The following AUTS2 variants were observed in gnomAD, a reference collection of about 807,000 sequenced individuals.
The protein encoded by AUTS2 is activator of transcription and developmental regulator AUTS2, also known as autism susceptibility gene 2 protein.
Under a neutral mutation model 112.4 loss-of-function variants are expected in AUTS2, and 17 were observed. That is an observed-to-expected ratio of 0.15 (90% CI 0.10 to 0.23). The LOEUF is 0.23. AUTS2 is among the 10% of genes least tolerant of loss of function. The pLI, the probability that AUTS2 is intolerant of heterozygous loss-of-function variation, is 1.00. For missense variants in AUTS2, 1,510 were observed against 1,701.6 expected, an observed-to-expected ratio of 0.89 and a Z score of 1.98; for synonymous variants, 751 against 702.7, an observed-to-expected ratio of 1.07 and a Z score of -1.09.
At chr7:69,692,076 G>A (rs1179009845) in intron 1 of AUTS2, among the ~76,000 whole-genome samples, 1 of 152,202 alleles carries the variant, frequency 6.6e-6, no homozygotes, top group Non-Finnish European at 1.5e-5. Context: ...TACAAGGGCT[G>A]TGTGTATATG....
At chr7:70,752,858 A>C (rs1788955277) in intron 6 of AUTS2, among the ~76,000 whole-genome samples, 1 of 152,200 alleles carries the variant, frequency 6.6e-6, no homozygotes, top group Non-Finnish European at 1.5e-5. Context: ...CTGCAAAATA[A>C]ACAAAATGTT....
intron 2 of AUTS2, among the ~76,000 whole-genome samples, chr7:70,073,599 G>A (rs543492879): frequency 6.6e-6 from 1 of 151,930 alleles, no homozygotes; most frequent in South Asian, 2.1e-4. Flanking sequence ...CCACAGATGA[G>A]TTATGTATTA....
chr7:70,543,365 C>T (rs1400235691), intron 5 of AUTS2, among the ~76,000 whole-genome samples: 2 of 151,738 alleles, frequency 1.3e-5, no homozygotes, highest in Admixed American at 1.3e-4. Context: ...AGCCAGGCAC[C>T]TATAATCCCA....
intron 18 of AUTS2, among the ~76,000 whole-genome samples, chr7:70,788,084 G>A (rs1189450480): frequency 1.3e-5 from 2 of 151,910 alleles, no homozygotes; most frequent in African/African-American, 4.8e-5. Flanking sequence ...GGAATGTCTT[G>A]GAGTTTTTTT....
intron 1 of AUTS2, among the ~76,000 whole-genome samples, chr7:69,717,373 C>G (rs1798666796): frequency 6.6e-6 from 1 of 152,178 alleles, no homozygotes; most frequent in Non-Finnish European, 1.5e-5. Flanking sequence ...GCCACTAGCT[C>G]TCTGGGTGTG....
intron 5 of AUTS2, among the ~76,000 whole-genome samples, chr7:70,479,309 C>A (rs190367411): frequency 5.3e-5 from 8 of 152,192 alleles, no homozygotes; most frequent in African/African-American, 1.9e-4. Context: ...GGGGAAAGGA[C>A]ACTTGGAGCC....
chr7:69,772,380 A>G (rs56310868), intron 1 of AUTS2, among the ~76,000 whole-genome samples: 4,275 of 152,292 alleles, frequency 0.028, 195 homozygotes, highest in African/African-American at 0.097. Flanking sequence ...CAAGTATGTT[A>G]TAAACAACTG....
At chr7:70,304,717 C>CT (rs11464532) in intron 4 of AUTS2, among the ~76,000 whole-genome samples, 17,569 of 101,320 alleles carry the variant, frequency 0.17, 1,509 homozygotes, top group East Asian at 0.25. Flanking sequence ...GGATTTTTAA[C>CT]TTTTTTTTTT....
rs766045506 is a variant in AUTS2, at chr7:70,766,105, C to G, written c.1469-9C>G. 1 of 1,609,918 alleles carries G rather than the reference C, an allele frequency of 6.2e-7. No individual in the cohort carries two copies. On this transcript the variant is annotated splice_polypyrimidine_tract_variant and intron_variant, in intron 8 of 18. Transcript: ENST00000342771. This position sits in a 1 kb window ranked among gnomAD's most constrained non-coding sequence, Gnocchi z 4.8. ...AAGGCGTCATCGTCTCCCTCTTCTT[C>G]TCTTCCAGAGCAAGACATCTTGCGA...
At chr7:70,367,356 A>G (rs924128010) in intron 4 of AUTS2, among the ~76,000 whole-genome samples, 1 of 152,078 alleles carries the variant, frequency 6.6e-6, no homozygotes, top group Non-Finnish European at 1.5e-5. Context: ...GGAGATCGAG[A>G]CCATCCTAGT....
Position 70,407,952 on chromosome 7 carries a change from G to T in AUTS2, c.661-27800G>T, listed in dbSNP as rs893811829. Among the ~76,000 whole-genome samples, 7 of 152,004 alleles carry T rather than the reference G, an allele frequency of 4.6e-5. No homozygotes were observed. In the South Asian group the frequency reaches 1.5e-3, roughly 32 times the overall value. On this transcript the variant is annotated intron_variant, in intron 4 of 18. Transcript: ENST00000342771. ...GCCTGTAGTCCCAGCTACTCGGGAG[G>T]CTGAGATAGGAGAATGGCGTGAACC...
chr7:69,957,113 C>G lies in AUTS2; in HGVS notation c.522+57615C>G, dbSNP rs143439393. Among the ~76,000 whole-genome samples, 264 of 148,948 alleles carry G rather than the reference C, an allele frequency of 1.8e-3. 7 individuals carry two copies. In the East Asian group the frequency reaches 0.045, roughly 25 times the overall value. On this transcript the variant is annotated intron_variant, in intron 2 of 18. Transcript: ENST00000342771. ...GGCTGGCCTCAAACTCCTGCTGAAG[C>G]AATTCGCCTGCCTTGGCCCCCAGAA...
intron 6 of AUTS2, among the ~76,000 whole-genome samples, chr7:70,755,582 T>C (rs1789147253): frequency 1.3e-5 from 2 of 151,810 alleles, no homozygotes; most frequent in Admixed American, 6.6e-5. Flanking sequence ...GAAGAATCAG[T>C]TGAACCTGGG....
chr7:70,093,095 T>A (rs1309503815), intron 2 of AUTS2, among the ~76,000 whole-genome samples: 5 of 152,210 alleles, frequency 3.3e-5, no homozygotes, highest in Non-Finnish European at 7.3e-5. Context: ...GTCTTTGTTG[T>A]CAGAGAGCTA....
At chr7:70,172,610 A>G (rs979950757) in intron 4 of AUTS2, among the ~76,000 whole-genome samples, 21 of 152,100 alleles carry the variant, frequency 1.4e-4, no homozygotes, top group African/African-American at 4.6e-4. Context: ...TCAATTTTTA[A>G]TAACTTGAAA....
chr7:69,900,567 A>G (rs893179994), intron 2 of AUTS2, among the ~76,000 whole-genome samples: 3 of 152,226 alleles, frequency 2.0e-5, no homozygotes, highest in African/African-American at 7.2e-5. Context: ...TTCCTATTTG[A>G]AAACAGTCAG....
intron 4 of AUTS2, among the ~76,000 whole-genome samples, chr7:70,252,780 AT>A (rs1273001997): frequency 5.3e-5 from 8 of 152,144 alleles, no homozygotes; most frequent in African/African-American, 1.9e-4. Flanking sequence ...TGAAGTAAGC[AT>A]CCAGTTTCAT....
At chr7:70,393,319 G>A (rs1366978019) in intron 4 of AUTS2, among the ~76,000 whole-genome samples, 1 of 152,194 alleles carries the variant, frequency 6.6e-6, no homozygotes, top group Non-Finnish European at 1.5e-5. Context: ...CCCAGCGCAT[G>A]TGTGCTGGCT....
chr7:70,764,222 C>T (rs1241608888), intron 7 of AUTS2, among the ~76,000 whole-genome samples: 1 of 152,138 alleles, frequency 6.6e-6, no homozygotes, highest in East Asian at 1.9e-4. Flanking sequence ...GAGCCGGGCC[C>T]GGCTTCTGCC....
Sources: allele counts gnomAD v4.1 joint callset (sites outside exome capture counted in the v4.1 genomes callset), GRCh38; gene constraint gnomAD v4.1.1; non-coding constraint Gnocchi (gnomAD v3.1); transcripts MANE v1.5; gene names NCBI Gene and HGNC (gene_info 2026-07-23, HGNC 2026-07-21).